Variants in NR1I2 observed in about 807,000 individuals in gnomAD.
NR1I2 encodes nuclear receptor subfamily 1 group I member 2, also known as orphan nuclear receptor PAR1.
Under a neutral mutation model 43.3 loss-of-function variants are expected in NR1I2, and 42 were observed. The ratio of observed to expected loss-of-function variants is 0.97; its 90% CI spans 0.76 to 1.26. NR1I2 has a LOEUF of 1.26. NR1I2 is among the 50% of genes most tolerant of loss of function. The pLI, the probability that NR1I2 is intolerant of heterozygous loss-of-function variation, is 0.00. For synonymous variants in NR1I2, 229 were observed against 215.0 expected (o/e 1.06, Z -0.57); for missense variants, 559 against 566.7 (o/e 0.99, Z 0.14).
In NR1I2 at chr3:119,812,797, G is replaced by T. The variant is rs760541932; in HGVS notation, c.631G>T (p.Val211Phe). 1 of 1,614,194 alleles carries T rather than the reference G, an allele frequency of 6.2e-7. No individual in the cohort carries two copies. ...CCGGAAAGATCTGTGCTCTTTGAAG[G>T]TCTCTCTGCAGCTGCGGGGGGAGGA... The change falls in exon 5 of 9, where the codon GTC becomes TTC. Residue 211 changes from valine (V) to phenylalanine (F), a missense_variant. By Grantham distance (50) the Val-to-Phe change is conservative. This residue lies in a region of NR1I2 where 323 missense variants were observed against 312.2 expected (regional missense o/e 1.03). Transcript: ENST00000393716.
chr3:119,804,543 T>C (rs6438547), intron 1 of NR1I2, among the ~76,000 whole-genome samples: 145,558 of 149,638 alleles, frequency 0.97, 70,931 homozygotes, highest in East Asian at 1. Flanking sequence ...CTCCTGGGTT[T>C]GAGCGATTCT....
intron 1 of NR1I2, among the ~76,000 whole-genome samples, chr3:119,799,202 A>G (rs975900161): frequency 6.6e-6 from 1 of 151,984 alleles, no homozygotes; most frequent in Non-Finnish European, 1.5e-5. Flanking sequence ...GCCGATTCTT[A>G]CCTCTTTTTG....
chr3:119,816,730 A>C (rs1382092472), intron 8 of NR1I2, among the ~76,000 whole-genome samples: 2 of 151,200 alleles, frequency 1.3e-5, no homozygotes, highest in Non-Finnish European at 2.9e-5. Flanking sequence ...CTGAGGCTGG[A>C]GGTCTCTTGA....
At position 119,807,309 on chromosome 3, in the gene NR1I2, C is replaced by T; in HGVS notation, c.59C>T (p.Thr20Ile). 3 of 1,614,248 alleles carry T rather than the reference C, an allele frequency of 1.9e-6. No homozygotes were observed. Among genetic ancestry groups the T allele is most frequent in the Non-Finnish European group, 2.5e-6 (3 of 1,180,042 alleles). The change falls in exon 2 of 9, where the codon ACA (threonine) becomes ATA (isoleucine). Residue 20 changes from threonine (T) to isoleucine (I), a missense_variant. Thr to Ile is a moderately conservative substitution (Grantham distance 89). This residue lies in a region of NR1I2 where 232 missense variants were observed against 236.6 expected (regional missense o/e 0.98). Transcript: ENST00000393716. Reference sequence around the variant, plus strand: ...GCTGACTTTGTACACTGTGAGGACACAGAGTCTGTTCCTGGAAAGCCCAGT... The same window carrying T: ...GCTGACTTTGTACACTGTGAGGACATAGAGTCTGTTCCTGGAAAGCCCAGT...
In NR1I2 at chr3:119,810,109, C is replaced by T. The variant is rs140423753; in HGVS notation, c.246C>T (p.Gly82=). The T allele has an allele frequency of 1.1e-4, 175 of 1,613,708 alleles. 1 individual carries two copies. Among genetic ancestry groups the T allele is most frequent in the Middle Eastern group, 3.3e-4 (2 of 6,062 alleles). ...GGCTGAGGTGCCCCTTCCGGAAGGGCGCCTGCGAGATCACCCGGAAGACCC... is the reference window on the plus strand; with the variant it reads ...GGCTGAGGTGCCCCTTCCGGAAGGGTGCCTGCGAGATCACCCGGAAGACCC... The change falls in exon 3 of 9, where the codon GGC becomes GGT. Residue 82 remains glycine, a synonymous_variant. Transcript: ENST00000393716.
intron 1 of NR1I2, among the ~76,000 whole-genome samples, chr3:119,798,639 C>CAA (rs142013482): frequency 0.33 from 40,480 of 121,228 alleles, 7,023 homozygotes; most frequent in Non-Finnish European, 0.42. Context: ...GACTCCGTCT[C>CAA]AAAAAAAAAA....
rs769494187 is a variant in NR1I2 at position 119,815,739 on chromosome 3, G to A, written c.1068G>A (p.Val356=). ...CCTCCCCTCCAGACCGCCCAGGTGT[G>A]CTGCAGCACCGCGTGGTGGACCAGC... The change falls in exon 8 of 9, where the codon GTG becomes GTA. Residue 356 remains valine, a synonymous_variant. Coordinates refer to ENST00000393716, the MANE Select transcript of NR1I2 (RefSeq NM_003889.4). 6.8e-6 allele frequency: 11 copies of A among 1,613,374 alleles called. No homozygotes were observed. Among genetic ancestry groups the A allele is most frequent in the Non-Finnish European group, 8.5e-6 (10 of 1,179,698 alleles).
At chr3:119,806,527 C>T (rs1243128555) in intron 1 of NR1I2, among the ~76,000 whole-genome samples, 1 of 152,096 alleles carries the variant, frequency 6.6e-6, no homozygotes, top group Non-Finnish European at 1.5e-5. Flanking sequence ...CTCAAGCGAT[C>T]CTCTTGCCTC....
intron 1 of NR1I2, chr3:119,792,289 G>A (rs768176672): frequency 1.3e-5 from 19 of 1,486,748 alleles, no homozygotes; most frequent in African/African-American, 2.8e-5. Context: ...CTTATGGAGC[G>A]AGCAGCCACC....
rs1411160293 is a variant in NR1I2 at position 119,807,114 on chromosome 3, C to G, written c.-22-115C>G. 3 of 903,436 alleles carry G rather than the reference C, an allele frequency of 3.3e-6. No homozygotes were observed. The East Asian group carries it at 7.9e-5, about 24-fold the overall frequency. The allele number at this position is 903,436 out of a possible 1,614,324, so 56.0% of individuals were successfully genotyped here. On this transcript the variant is annotated intron_variant, in intron 1 of 8. Coordinates refer to ENST00000393716, the MANE Select transcript of NR1I2 (RefSeq NM_003889.4). ...TTTTTTTCCCCATGAGAGGTCAGCT[C>G]CCGAGTTCACAGGCCCAAATGTGAG...
intron 1 of NR1I2, among the ~76,000 whole-genome samples, chr3:119,783,435 T>A (rs536583820): frequency 6.6e-6 from 1 of 152,126 alleles, no homozygotes; most frequent in Non-Finnish European, 1.5e-5. Context: ...TATAGCTGAT[T>A]CATTGAGTCA....
In NR1I2 at chr3:119,788,561, C is replaced by A. The variant is rs141371040; in HGVS notation, c.-23+6261C>A. On this transcript the variant is annotated intron_variant, in intron 1 of 8. Coordinates refer to ENST00000393716, the MANE Select transcript of NR1I2 (RefSeq NM_003889.4). ...CAAGTGTTCTTCCTGCCTCAGCCTC[C>A]CAAGTAGCTGGGACTACAGGCACAT... 1.8e-4 allele frequency among the ~76,000 whole-genome samples: 28 copies of A among 152,284 alleles called. No individual in the cohort carries two copies. In the East Asian group the frequency reaches 5.4e-3, roughly 29 times the overall value.
chr3:119,811,965 C>T (rs1159071669), intron 4 of NR1I2, among the ~76,000 whole-genome samples: 1 of 152,128 alleles, frequency 6.6e-6, no homozygotes, highest in East Asian at 1.9e-4. Context: ...TTCAGGTCAC[C>T]TCAGATCTCC....
intron 6 of NR1I2, 92 bp from the exon 7 acceptor site, chr3:119,815,231 T>A: frequency 6.3e-7 from 1 of 1,576,658 alleles, no homozygotes; most frequent in Non-Finnish European, 8.7e-7. Flanking sequence ...GGCAGGAAGA[T>A]GGAATGGTGG....
chr3:119,812,324 C>G (rs916107195), intron 4 of NR1I2, among the ~76,000 whole-genome samples: 10 of 152,290 alleles, frequency 6.6e-5, no homozygotes, highest in African/African-American at 2.4e-4. Context: ...TCTGCTCTTC[C>G]CATCCATAGC....
intron 1 of NR1I2, among the ~76,000 whole-genome samples, chr3:119,784,402 GA>G (rs2054816701): frequency 6.6e-6 from 1 of 151,810 alleles, no homozygotes; most frequent in African/African-American, 2.4e-5. Context: ...TTTTATGTCG[GA>G]TTTTTTTTCT....
Position 119,811,551 on chromosome 3 carries a change from A to C in NR1I2, c.344A>C (p.Asp115Ala), listed in dbSNP as rs1454314508. The C allele has an allele frequency of 1.2e-6, 2 of 1,613,208 alleles. No homozygotes were observed. Among genetic ancestry groups the C allele is most frequent in the Non-Finnish European group, 1.7e-6 (2 of 1,179,530 alleles). Residue 115 changes from aspartate (D) to alanine (A), a missense_variant, in exon 4 of 9, where the codon GAC becomes GCC. By Grantham distance (126) the Asp-to-Ala change is moderately radical. Transcript: ENST00000393716. ...ACTGTCCCTGCAGTGATCATGTCCG[A>C]CGAGGCCGTGGAGGAGAGGCGGGCC...
In NR1I2 at chr3:119,817,464, C is replaced by G; in HGVS notation, c.*252C>G. 1 of 1,355,482 alleles carries G rather than the reference C, an allele frequency of 7.4e-7. No individual in the cohort carries two copies. The highest frequency in any genetic ancestry group is 9.5e-7 in the Non-Finnish European group (1 of 1,048,384). 84.0% of individuals were successfully genotyped at this position (1,355,482 alleles called of 1,614,324 possible). Reference sequence around the variant, plus strand: ...GTGGAGAGTGCACTGACCTGTAGGTCAGGACCATCAGAGAGGCAAGGTTGC... The same window carrying G: ...GTGGAGAGTGCACTGACCTGTAGGTGAGGACCATCAGAGAGGCAAGGTTGC... On this transcript the variant is annotated 3_prime_UTR_variant, in exon 9 of 9. Transcript: ENST00000393716.
At chr3:119,798,879 C>A (rs2055037870) in intron 1 of NR1I2, among the ~76,000 whole-genome samples, 1 of 152,204 alleles carries the variant, frequency 6.6e-6, no homozygotes, top group Non-Finnish European at 1.5e-5. Flanking sequence ...TTCTTTTAAA[C>A]CGCTGAATAG....
Sources: gnomAD v4.1 joint callset for allele counts (sites outside exome capture counted in the v4.1 genomes callset) on GRCh38, gnomAD v4.1.1 for gene constraint, gnomAD v4.1.1 regional missense constraint, MANE v1.5 for transcripts, NCBI Gene and HGNC (gene_info 2026-07-23, HGNC 2026-07-21) for gene names.